CHRD: variants seen among roughly 807,000 people sequenced by gnomAD.
The protein encoded by CHRD is chordin.
In CHRD, 69 loss-of-function variants were observed where a neutral mutation model predicts 113.7. The ratio of observed to expected loss-of-function variants is 0.61; its 90% confidence interval spans 0.50 to 0.74. The LOEUF (loss-of-function observed/expected upper bound fraction) is 0.74, where lower values mean the gene tolerates loss of function less well. CHRD is among the 30% of genes least tolerant of loss of function. CHRD has a pLI of 0.00. For missense variants in CHRD, 1,194 were observed against 1,295.8 expected (o/e 0.92, Z 1.21); for synonymous variants, 561 against 540.8 (o/e 1.04, Z -0.52).
chr3:184,381,521 G>C lies in CHRD; in HGVS notation c.408G>C (p.Pro136=). Reference sequence around the variant, plus strand: ...AGCGCAGCAGTTCGGAGCGGCAGCCGAGCGGCCTGTCCTTCGAGTATCCGC... The same window carrying C: ...AGCGCAGCAGTTCGGAGCGGCAGCCCAGCGGCCTGTCCTTCGAGTATCCGC... The change falls in exon 4 of 23, where the codon CCG becomes CCC. Residue 136 remains proline, a synonymous_variant. Coordinates refer to ENST00000204604, the Ensembl canonical transcript of CHRD. This position sits in a 1 kb window ranked among gnomAD's most constrained non-coding sequence, Gnocchi z 4.7. 2.5e-6 allele frequency: 4 copies of C among 1,601,180 alleles called. No homozygotes were observed. Among genetic ancestry groups the C allele is most frequent in the Non-Finnish European group, 3.4e-6 (4 of 1,174,302 alleles).
At position 184,388,805 on chromosome 3, in the gene CHRD, C is replaced by T. The variant is rs1716779343; in HGVS notation, c.2709+64C>T. ...GGAGCCTGGTCTGGAGTAGGGAGAC[C>T]TTCCCAGGGAGGTCCCTGAAGAAGC... On this transcript the variant is annotated intron_variant, in intron 21 of 22. Transcript: ENST00000204604. This position sits in a 1 kb window ranked among gnomAD's most constrained non-coding sequence, Gnocchi z 6.1. 6.2e-7 allele frequency: 1 copy of T among 1,605,854 alleles called. No individual in the cohort carries two copies. Among genetic ancestry groups the T allele is most frequent in the South Asian group, 1.1e-5 (1 of 90,512 alleles).
rs951565890 is a variant in CHRD, at chr3:184,381,725, C to T, written c.521C>T (p.Ala174Val). 6.2e-7 allele frequency: 1 copy of T among 1,613,046 alleles called. No individual in the cohort carries two copies. Among genetic ancestry groups the T allele is most frequent in the African/African-American group, 1.3e-5 (1 of 75,072 alleles). Reference sequence around the variant, plus strand: ...CTTCCTCCCGTCCCAGACTTCGTGGCGCTGCTGACAGGGCCGAGGTCGCAG... The same window carrying T: ...CTTCCTCCCGTCCCAGACTTCGTGGTGCTGCTGACAGGGCCGAGGTCGCAG... The change falls in exon 5 of 23, where the codon GCG becomes GTG. Residue 174 changes from alanine to valine, a missense_variant. Ala to Val is a moderately conservative substitution (Grantham distance 64). Coordinates refer to ENST00000204604, the Ensembl canonical transcript of CHRD. This position sits in a 1 kb window ranked among gnomAD's most constrained non-coding sequence, Gnocchi z 4.7.
chr3:184,382,204 A>G, intron 6 of CHRD, 184 bp downstream of exon 6: 1 of 1,221,578 alleles, frequency 8.2e-7, no homozygotes, highest in Non-Finnish European at 1.2e-6. Context: ...AAGGTCACAC[A>G]GCTAGTAAGT....
In CHRD at chr3:184,380,497, G is replaced by C; in HGVS notation, c.148+31G>C. 2 of 1,158,666 alleles carry C rather than the reference G, an allele frequency of 1.7e-6. No homozygotes were observed. Among genetic ancestry groups the C allele is most frequent in the Non-Finnish European group, 2.1e-6 (2 of 937,562 alleles). 71.8% of individuals were successfully genotyped at this position (1,158,666 alleles called of 1,614,324 possible). A position where few individuals can be genotyped will look rare whatever the true frequency, so the allele number is the denominator to read the frequency against. The stretch of plus-strand genomic sequence containing the variant: ...TGGGCGCCCGGGGGAGGCGCGGGCG[G>C]GGAGTCGGGCTCGGGGCGAGTCAGC... On this transcript the variant is annotated intron_variant, in intron 1 of 22. Coordinates refer to ENST00000204604, the Ensembl canonical transcript of CHRD. The surrounding 1 kb of genome is among the most constrained non-coding windows in gnomAD (Gnocchi z 6.3).
In CHRD at chr3:184,388,580, T is replaced by C. The variant is rs772943792; in HGVS notation, c.2555-7T>C. The C allele has an allele frequency of 1.0e-5, 16 of 1,607,210 alleles. No homozygotes were observed. The highest frequency in any genetic ancestry group is 1.1e-5 in the Non-Finnish European group (13 of 1,179,446). ...TGGGCTGATCCTTTCTCTTTCCCTC[T>C]CAACAGTGGGGTCGGGGGCCCACCC... is the stretch of plus-strand genomic sequence containing the variant. On this transcript the variant is annotated splice_region_variant and splice_polypyrimidine_tract_variant and intron_variant, in intron 20 of 22. Coordinates refer to ENST00000204604, the Ensembl canonical transcript of CHRD. This position sits in a 1 kb window ranked among gnomAD's most constrained non-coding sequence, Gnocchi z 6.1.
rs757349750 is a variant in CHRD at position 184,380,698 on chromosome 3, C to A, written c.155C>A (p.Thr52Asn). ...GCCAAGCCCGTCCCCGCAGGCTGCA[C>A]CTTCGGCGGGAAGGTCTATGCCTTG... Residue 52 changes from threonine (T) to asparagine (N), a missense_variant, in exon 2 of 23, where the codon ACC (threonine) becomes AAC (asparagine). Physicochemically the swap from Thr to Asn is moderately conservative, Grantham distance 65 (BLOSUM62 0). Transcript: ENST00000204604. This position sits in a 1 kb window ranked among gnomAD's most constrained non-coding sequence, Gnocchi z 6.3. 4 of 1,587,230 alleles carry A rather than the reference C, an allele frequency of 2.5e-6. No homozygotes were observed. Among genetic ancestry groups the A allele is most frequent in the Non-Finnish European group, 3.4e-6 (4 of 1,172,994 alleles).
At chr3:184,383,283 C>T in intron 10 of CHRD, 29 bp from the exon 11 acceptor site, 1 of 1,605,712 alleles carries the variant, frequency 6.2e-7, no homozygotes, top group Non-Finnish European at 8.5e-7. Flanking sequence ...TGGGGTAAAC[C>T]TAGCCTCACC....
chr3:184,386,866 C>T (rs1389646339), exon 17 of CHRD: 1 of 1,614,180 alleles, frequency 6.2e-7, no homozygotes, highest in East Asian at 2.2e-5. Context: ...GATCTGTGAC[C>T]CGGTGGTGTG....
At chr3:184,385,967 T>G (rs993353645) in intron 14 of CHRD, 79 bp from the exon 15 acceptor site, 1 of 1,434,472 alleles carries the variant, frequency 7.0e-7, no homozygotes, top group Admixed American at 1.7e-5. Context: ...TGGCTCTCAG[T>G]TTCTTCATCT....
Position 184,387,061 on chromosome 3 carries a change from T to C in CHRD, c.2301T>C (p.Asp767=), listed in dbSNP as rs1716436756. The C allele has an allele frequency of 8.7e-6, 14 of 1,613,756 alleles. No homozygotes were observed. The East Asian group carries it at 3.1e-4, about 36-fold the overall frequency. ...TCTTTGGCTCCACAGAGAAACAAGA[T>C]GTCAGAGACTTGCCAGGGCTGCCAA... is the stretch of plus-strand genomic sequence containing the variant. The change falls in exon 18 of 23, where the codon GAT becomes GAC. Residue 767 remains aspartate (D), a synonymous_variant. Transcript: ENST00000204604. This position sits in a 1 kb window ranked among gnomAD's most constrained non-coding sequence, Gnocchi z 6.1.
chr3:184,386,767 T>G lies in CHRD; in HGVS notation c.2196+12T>G, dbSNP rs1716372418. The G allele has an allele frequency of 1.2e-6, 2 of 1,613,308 alleles. No individual in the cohort carries two copies. Among genetic ancestry groups the G allele is most frequent in the Non-Finnish European group, 8.5e-7 (1 of 1,179,832 alleles). ...TCTGCACCTGCCAGGTAGGAGGTCC[T>G]GGAAGGGCACACTGGGTCCTGGGAT... On this transcript the variant is annotated intron_variant, in intron 16 of 22. Transcript: ENST00000204604.
Position 184,381,204 on chromosome 3 carries a change from C to A in CHRD, c.253-31C>A. ...GTCTCATCAGTTGGCATCTTGCACTCACTTGGGTTTCCCGCCTTTTCCGGG... is the reference window on the plus strand; with the variant it reads ...GTCTCATCAGTTGGCATCTTGCACTAACTTGGGTTTCCCGCCTTTTCCGGG... On this transcript the variant is annotated intron_variant, in intron 2 of 22. Transcript: ENST00000204604. The surrounding 1 kb of genome is among the most constrained non-coding windows in gnomAD (Gnocchi z 4.7). 6.2e-7 allele frequency: 1 copy of A among 1,612,386 alleles called. No homozygotes were observed. Among genetic ancestry groups the A allele is most frequent in the East Asian group, 2.2e-5 (1 of 44,870 alleles).
rs781515509 is a variant in CHRD, at chr3:184,380,819, C to A, written c.252+24C>A. 6.5e-7 allele frequency: 1 copy of A among 1,530,418 alleles called. No individual in the cohort carries two copies. Among genetic ancestry groups the A allele is most frequent in the East Asian group, 2.3e-5 (1 of 43,178 alleles). The allele number at this position is 1,530,418 out of a possible 1,614,324, so 94.8% of individuals were successfully genotyped here. ...CGGTGAGTGCACCCCGCGGCCGGCCCGGGCCCTGGCGGGTGGGGAGCGCCG... is the reference window on the plus strand; with the variant it reads ...CGGTGAGTGCACCCCGCGGCCGGCCAGGGCCCTGGCGGGTGGGGAGCGCCG... On this transcript the variant is annotated intron_variant, in intron 2 of 22. Transcript: ENST00000204604. This position sits in a 1 kb window ranked among gnomAD's most constrained non-coding sequence, Gnocchi z 6.3.
exon 15 of CHRD, chr3:184,386,070 G>A (rs1423293740): frequency 1.9e-6 from 3 of 1,614,222 alleles, no homozygotes; most frequent in Non-Finnish European, 1.7e-6. Context: ...GAAGGACCTG[G>A]AGCCGGAACT....
Position 184,387,170 on chromosome 3 carries a change from G to T in CHRD, c.2347+63G>T, listed in dbSNP as rs573678861. ...GAGGAGCCATTAGGTTGAACCAGGAGGGGGACAAGAAGGGGAGAGTATATA... is the reference window on the plus strand; with the variant it reads ...GAGGAGCCATTAGGTTGAACCAGGATGGGGACAAGAAGGGGAGAGTATATA... On this transcript the variant is annotated intron_variant, in intron 18 of 22. Coordinates refer to ENST00000204604, the Ensembl canonical transcript of CHRD. This position sits in a 1 kb window ranked among gnomAD's most constrained non-coding sequence, Gnocchi z 6.1. 1.1e-4 allele frequency: 162 copies of T among 1,507,878 alleles called. No individual in the cohort carries two copies. In the East Asian group the frequency reaches 2.8e-3, roughly 26 times the overall value. 93.4% of individuals were successfully genotyped at this position (1,507,878 alleles called of 1,614,324 possible).
chr3:184,387,250 G>GA lies in CHRD; in HGVS notation c.2348-124_2348-123insA. The GA allele has an allele frequency of 7.7e-7, 1 of 1,298,116 alleles. No individual in the cohort carries two copies. The highest frequency in any genetic ancestry group is 1.3e-5 in the South Asian group (1 of 76,912). The allele number at this position is 1,298,116 out of a possible 1,614,324, so 80.4% of individuals were successfully genotyped here. On this transcript the variant is annotated intron_variant, in intron 18 of 22. Transcript: ENST00000204604. This position sits in a 1 kb window ranked among gnomAD's most constrained non-coding sequence, Gnocchi z 6.1. ...GTGATGCCTGACAGGACTCATTAGT[G>GA]TTACTGGCCCCCAGGTGGGCCCTTG...
rs1246050210 is a variant in CHRD at position 184,381,529 on chromosome 3, T to G, written c.416T>G (p.Leu139Arg). The change falls in exon 4 of 23, where the codon CTG becomes CGG. Residue 139 changes from leucine to arginine, a missense_variant. Leu to Arg is a moderately radical substitution (Grantham distance 102). Coordinates refer to ENST00000204604, the Ensembl canonical transcript of CHRD. This position sits in a 1 kb window ranked among gnomAD's most constrained non-coding sequence, Gnocchi z 4.7. ...AGTTCGGAGCGGCAGCCGAGCGGCC[T>G]GTCCTTCGAGTATCCGCGGGACCCG... 1.2e-6 allele frequency: 2 copies of G among 1,604,624 alleles called. No homozygotes were observed. The highest frequency in any genetic ancestry group is 1.7e-6 in the Non-Finnish European group (2 of 1,176,194).
rs545610003 is a variant in CHRD, at chr3:184,387,293, G to T, written c.2348-81G>T. The T allele has an allele frequency of 6.7e-7, 1 of 1,485,692 alleles. No individual in the cohort carries two copies. The highest frequency in any genetic ancestry group is 2.3e-5 in the East Asian group (1 of 43,626). The allele number at this position is 1,485,692 out of a possible 1,614,324, so 92.0% of individuals were successfully genotyped here. A position where few individuals can be genotyped will look rare whatever the true frequency, so the allele number is the denominator to read the frequency against. On this transcript the variant is annotated intron_variant, in intron 18 of 22. Coordinates refer to ENST00000204604, the Ensembl canonical transcript of CHRD. This position sits in a 1 kb window ranked among gnomAD's most constrained non-coding sequence, Gnocchi z 6.1. ...GGCCCTTGGCTTAGGCTCGTGTGGGGGTGGCCTGAGGCTCAAGCCTTGGTT... is the reference window on the plus strand; with the variant it reads ...GGCCCTTGGCTTAGGCTCGTGTGGGTGTGGCCTGAGGCTCAAGCCTTGGTT...
chr3:184,390,129 A>G (rs985127467), downstream of CHRD: 1 of 150,138 alleles, frequency 6.7e-6, no homozygotes, highest in Non-Finnish European at 1.5e-5. Flanking sequence ...AAGTTGCTCC[A>G]GAGAGAGAAT....
Sources: gnomAD v4.1 joint callset for allele counts on GRCh38, gnomAD v4.1.1 for gene constraint, Gnocchi (gnomAD v3.1) non-coding constraint, MANE v1.5 for transcripts, NCBI Gene and HGNC (gene_info 2026-07-23, HGNC 2026-07-21) for gene names.